TANC2: variants seen among roughly 807,000 people sequenced by gnomAD.
TANC2 encodes protein TANC2.
A neutral mutation model predicts 210.5 loss-of-function variants in TANC2; 26 were observed. The observed-to-expected ratio is 0.12, with a 90% CI of 0.09 to 0.17. The LOEUF (loss-of-function observed/expected upper bound fraction) is 0.17, where lower values mean the gene tolerates loss of function less well. Ranked by LOEUF, TANC2 falls within the 10% of genes least tolerant of loss-of-function variation. The pLI is 1.00. For synonymous variants in TANC2, 931 were observed against 967.1 expected (o/e 0.96, Z 0.69); for missense variants, 2,129 against 2,608.9 (o/e 0.82, Z 4.01).
intron 4 of TANC2, among the ~76,000 whole-genome samples, chr17:63,130,531 T>G (rs2038880944): frequency 6.6e-6 from 1 of 152,048 alleles, no homozygotes; most frequent in African/African-American, 2.4e-5. Flanking sequence ...AAAAAAAGAT[T>G]TAAAAACCAA....
exon 22 of TANC2, chr17:63,411,522 G>A: frequency 6.2e-7 from 1 of 1,610,666 alleles, no homozygotes. Context: ...TGCCTCCATT[G>A]CTCTTATGGA....
At chr17:62,997,493 A>C (rs1294386101) in intron 1 of TANC2, among the ~76,000 whole-genome samples, 2 of 152,192 alleles carry the variant, frequency 1.3e-5, no homozygotes, top group African/African-American at 2.4e-5. Flanking sequence ...TTTTATAATT[A>C]TATGAACAGA....
At chr17:63,353,584 G>A (rs2046687053) in intron 13 of TANC2, among the ~76,000 whole-genome samples, 1 of 152,046 alleles carries the variant, frequency 6.6e-6, no homozygotes, top group South Asian at 2.1e-4. Context: ...ATAATATTTA[G>A]CACCATGGGA....
chr17:63,196,197 A>T (rs1343681109), intron 6 of TANC2, among the ~76,000 whole-genome samples: 2 of 152,216 alleles, frequency 1.3e-5, no homozygotes. Flanking sequence ...TGTGTGTTTC[A>T]TGATGTCAGA....
In TANC2 at chr17:63,103,966, G is replaced by A. The variant is rs549303814; in HGVS notation, c.322+4609G>A. ...GTGGAGGATAATACAGCTAGGCAGC[G>A]GTCAGAGTTAGGATTAATCCCCAGT... On this transcript the variant is annotated intron_variant, in intron 4 of 27. Coordinates refer to ENST00000689528, the Ensembl canonical transcript of TANC2. 1.2e-4 allele frequency among the ~76,000 whole-genome samples: 19 copies of A among 152,026 alleles called. No individual in the cohort carries two copies. The East Asian group carries it at 2.9e-3, about 23-fold the overall frequency.
At chr17:63,265,528 G>A (rs73325716) in intron 8 of TANC2, among the ~76,000 whole-genome samples, 3,190 of 152,216 alleles carry the variant, frequency 0.021, 102 homozygotes, top group African/African-American at 0.071. Context: ...AATGACTAAT[G>A]TTTTGTAACT....
intron 21 of TANC2, among the ~76,000 whole-genome samples, chr17:63,406,996 G>C (rs1424291418): frequency 6.6e-6 from 1 of 152,216 alleles, no homozygotes; most frequent in Non-Finnish European, 1.5e-5. Context: ...TCCACTATTA[G>C]TAAACTGGAC....
intron 3 of TANC2, among the ~76,000 whole-genome samples, chr17:63,097,178 C>T (rs1245602767): frequency 1.3e-5 from 2 of 151,810 alleles, no homozygotes; most frequent in African/African-American, 2.4e-5. Flanking sequence ...GTAGCTGGGA[C>T]TACAGGTACA....
intron 1 of TANC2, among the ~76,000 whole-genome samples, chr17:62,990,672 A>G (rs2032815842): frequency 1.3e-5 from 2 of 152,182 alleles, no homozygotes; most frequent in South Asian, 4.1e-4. Context: ...AGAAGTCAAA[A>G]TATAAGAGGT....
intron 4 of TANC2, chr17:63,149,129 T>C (rs1292072830): frequency 6.6e-6 from 1 of 152,138 alleles, no homozygotes; most frequent in Admixed American, 6.6e-5. Context: ...ATAAAGAAGT[T>C]GGTATACATC....
chr17:63,177,974 TTA>T (rs2040647309), intron 5 of TANC2, among the ~76,000 whole-genome samples: 1 of 152,214 alleles, frequency 6.6e-6, no homozygotes, highest in Non-Finnish European at 1.5e-5. Flanking sequence ...CTCTTGTTTC[TTA>T]TATTTCTTCC....
At chr17:63,032,989 A>G (rs1007076729) in intron 2 of TANC2, among the ~76,000 whole-genome samples, 3 of 152,152 alleles carry the variant, frequency 2.0e-5, no homozygotes, top group Non-Finnish European at 2.9e-5. Flanking sequence ...AGAACAGCTC[A>G]CAGAAATCAG....
intron 3 of TANC2, among the ~76,000 whole-genome samples, chr17:63,087,460 ATAGT>A (rs1418075393): frequency 6.0e-5 from 9 of 150,964 alleles, no homozygotes; most frequent in Middle Eastern, 3.4e-3. Flanking sequence ...CTCCCTTCTC[ATAGT>A]TAGGTGGAAC....
At chr17:63,245,545 T>C (rs187778893) in intron 8 of TANC2, among the ~76,000 whole-genome samples, 2 of 151,878 alleles carry the variant, frequency 1.3e-5, no homozygotes, top group Admixed American at 1.3e-4. Flanking sequence ...CCGTCTCTAC[T>C]AAAAATACAA....
chr17:63,320,698 TC>T (rs1327836399), intron 11 of TANC2, among the ~76,000 whole-genome samples: 1 of 152,226 alleles, frequency 6.6e-6, no homozygotes, highest in African/African-American at 2.4e-5. Context: ...TTATTCCTAA[TC>T]CTTTATATAT....
chr17:63,128,878 G>A (rs7221301), intron 4 of TANC2, among the ~76,000 whole-genome samples: 90,565 of 152,108 alleles, frequency 0.6, 29,295 homozygotes, highest in African/African-American at 0.85. Context: ...GTTTAGTAAC[G>A]TGTCATTCCT....
At chr17:62,981,583 G>A (rs1049548100) in intron 1 of TANC2, among the ~76,000 whole-genome samples, 1 of 151,914 alleles carries the variant, frequency 6.6e-6, no homozygotes, top group African/African-American at 2.4e-5. Flanking sequence ...GTATCTCCTG[G>A]TTCATTGTAG....
chr17:62,998,486 A>C (rs2033221513), intron 1 of TANC2, among the ~76,000 whole-genome samples: 1 of 152,228 alleles, frequency 6.6e-6, no homozygotes, highest in African/African-American at 2.4e-5. Flanking sequence ...GAAAGAAAAA[A>C]ATGTTAAAGG....
At chr17:63,422,082 C>T in exon 28 of TANC2, 2 of 1,238,192 alleles carry the variant, frequency 1.6e-6, no homozygotes, top group Non-Finnish European at 2.2e-6. Flanking sequence ...GAGGTGGCAG[C>T]CCACATGCTG....
Sources: gnomAD v4.1 joint callset for allele counts (sites outside exome capture counted in the v4.1 genomes callset) on GRCh38, gnomAD v4.1.1 for gene constraint, MANE v1.5 for transcripts, NCBI Gene and HGNC (gene_info 2026-07-23, HGNC 2026-07-21) for gene names.